TRA2A: variants seen among roughly 807,000 people sequenced by gnomAD.
TRA2A encodes transformer 2 alpha homolog, also known as transformer-2 protein homolog alpha.
In TRA2A, 31 loss-of-function variants were observed where a neutral mutation model predicts 45.7. That is an observed-to-expected ratio of 0.68 (90% confidence interval 0.51 to 0.92). The LOEUF (loss-of-function observed/expected upper bound fraction) is 0.92, where lower values mean the gene tolerates loss of function less well. Among genes scored for constraint, TRA2A ranks in the 40% least tolerant of loss-of-function variants. TRA2A has a pLI of 0.00. For missense variants in TRA2A, 304 were observed against 367.5 expected, an observed-to-expected ratio of 0.83 and a Z score of 1.41; for synonymous variants, 132 against 126.2, an observed-to-expected ratio of 1.05 and a Z score of -0.31.
chr7:23,511,251 G>A (rs190469644), intron 4 of TRA2A, among the ~76,000 whole-genome samples: 229 of 151,256 alleles, frequency 1.5e-3, no homozygotes, highest in African/African-American at 5.1e-3. Flanking sequence ...GGCGTCTGTA[G>A]TCCCAGCTAC....
chr7:23,513,770 T>TTTATA (rs1789735243), intron 3 of TRA2A, among the ~76,000 whole-genome samples: 1 of 152,196 alleles, frequency 6.6e-6, no homozygotes, highest in South Asian at 2.1e-4. Context: ...CTGACGTGTC[T>TTTATA]ACCTTACTGT....
intron 1 of TRA2A, chr7:23,531,498 G>A (rs1201233826): frequency 1.4e-5 from 7 of 516,640 alleles, no homozygotes; most frequent in South Asian, 7.8e-5. Context: ...GCAGACATAA[G>A]GAAGCCTCAG....
intron 2 of TRA2A, 147 bp downstream of exon 2, chr7:23,521,560 G>T (rs1369239197): frequency 1.3e-5 from 12 of 900,064 alleles, no homozygotes; most frequent in Non-Finnish European, 2.0e-5. Context: ...CTTTGTCTGG[G>T]ATATAGTATT....
At position 23,516,909 on chromosome 7, in the gene TRA2A, A is replaced by G. The variant is rs1223539868; in HGVS notation, c.171-381T>C. ...CAGATCGCGAGATCAAGAGATCAAG[A>G]CCATCCTGGCCAACATGTTGAAACC... On this transcript the variant is annotated intron_variant, in intron 2 of 7. Coordinates refer to ENST00000297071, the MANE Select transcript of TRA2A (RefSeq NM_013293.5). Among the ~76,000 whole-genome samples the G allele has an allele frequency of 5.3e-5, 8 of 151,764 alleles. No individual in the cohort carries two copies. The South Asian group carries it at 1.0e-3, about 20-fold the overall frequency.
At chr7:23,521,987 T>C in intron 1 of TRA2A, 147 bp from the exon 2 acceptor site, 1 of 1,423,100 alleles carries the variant, frequency 7.0e-7, no homozygotes, top group South Asian at 1.4e-5. Flanking sequence ...AGCTCAATAA[T>C]AACCCACTGT....
intron 3 of TRA2A, among the ~76,000 whole-genome samples, chr7:23,514,269 T>C (rs1346054753): frequency 2.0e-5 from 3 of 152,026 alleles, no homozygotes; most frequent in Non-Finnish European, 2.9e-5. Flanking sequence ...GGTTTCTCCA[T>C]GTTGGTCAGC....
chr7:23,530,777 G>C (rs1313123650), intron 1 of TRA2A, among the ~76,000 whole-genome samples: 1 of 152,126 alleles, frequency 6.6e-6, no homozygotes, highest in Non-Finnish European at 1.5e-5. Flanking sequence ...GATAGAGTGA[G>C]AAGAGAAATG....
chr7:23,526,719 AAAG>A (rs1281894266), intron 1 of TRA2A, among the ~76,000 whole-genome samples: 3 of 152,294 alleles, frequency 2.0e-5, no homozygotes, highest in Non-Finnish European at 2.9e-5. Context: ...AATCCCTTAA[AAAG>A]AAGATAGCGA....
Position 23,505,520 on chromosome 7 carries a change from AGAGGAAAAAAAATGTCCTTAATTGC to A in TRA2A, c.*14_*38del. ...AGAATTAAAAAAAAAAAAAAAAAAA[AGAGGAAAAAAAATGTCCTTAATTGC>A]AACCATTCCGTTATCAATAGCGTCC... is the stretch of plus-strand genomic sequence containing the variant. On this transcript the variant is annotated 3_prime_UTR_variant, in exon 8 of 8. Coordinates refer to ENST00000297071, the MANE Select transcript of TRA2A (RefSeq NM_013293.5). The A allele has an allele frequency of 2.0e-6, 1 of 507,038 alleles. No individual in the cohort carries two copies. 31.4% of individuals were successfully genotyped at this position (507,038 alleles called of 1,614,324 possible).
intron 6 of TRA2A, 115 bp from the exon 7 acceptor site, chr7:23,505,928 A>C: frequency 8.3e-6 from 6 of 726,734 alleles, no homozygotes; most frequent in Non-Finnish European, 1.1e-5. Flanking sequence ...TAACTACTTA[A>C]TATTAAGTTC....
chr7:23,524,482 C>A (rs1030945926), intron 1 of TRA2A, among the ~76,000 whole-genome samples: 20 of 152,050 alleles, frequency 1.3e-4, no homozygotes, highest in African/African-American at 4.6e-4. Context: ...CCGCGCCCGG[C>A]CAACATCAGA....
intron 1 of TRA2A, among the ~76,000 whole-genome samples, chr7:23,529,122 A>G (rs1456456821): frequency 6.6e-6 from 1 of 152,190 alleles, no homozygotes; most frequent in Admixed American, 6.6e-5. Flanking sequence ...GAAGGGCATT[A>G]ACATTTTTTG....
intron 5 of TRA2A, 36 bp from the exon 6 acceptor site, chr7:23,506,302 A>G: frequency 1.3e-6 from 2 of 1,557,960 alleles, no homozygotes; most frequent in Admixed American, 4.0e-5. Flanking sequence ...ATTAGTGTGA[A>G]TGACTATTTT....
At position 23,527,410 on chromosome 7, in the gene TRA2A, C is replaced by A. The variant is rs1429177746; in HGVS notation, c.36+4379G>T. 5.3e-5 allele frequency among the ~76,000 whole-genome samples: 8 copies of A among 152,042 alleles called. No individual in the cohort carries two copies. The South Asian group carries it at 1.0e-3, about 20-fold the overall frequency. Reference sequence around the variant, plus strand: ...TGTTACTATTTTTTTCACCTCCATGCCTGTCTTGCTAAATTTGTGAGGACA... The same window carrying A: ...TGTTACTATTTTTTTCACCTCCATGACTGTCTTGCTAAATTTGTGAGGACA... On this transcript the variant is annotated intron_variant, in intron 1 of 7. Coordinates refer to ENST00000297071, the MANE Select transcript of TRA2A (RefSeq NM_013293.5).
chr7:23,510,148 A>C (rs1232256853), intron 4 of TRA2A, among the ~76,000 whole-genome samples: 1 of 152,144 alleles, frequency 6.6e-6, no homozygotes, highest in Non-Finnish European at 1.5e-5. Context: ...AAACCATACA[A>C]CATGCCTGTG....
At chr7:23,516,277 G>T in intron 3 of TRA2A, 86 bp downstream of exon 3, 2 of 1,400,170 alleles carry the variant, frequency 1.4e-6, no homozygotes, top group Non-Finnish European at 9.9e-7. Flanking sequence ...CTAAACAATG[G>T]CCAAGCTCCC....
At chr7:23,509,731 C>CA (rs35279622) in intron 4 of TRA2A, among the ~76,000 whole-genome samples, 54,778 of 145,968 alleles carry the variant, frequency 0.38, 10,347 homozygotes, top group African/African-American at 0.48. Flanking sequence ...GACTCCGTCT[C>CA]AAAAAAAAAA....
intron 1 of TRA2A, chr7:23,531,216 G>A (rs2128002568): frequency 2.0e-6 from 2 of 987,176 alleles, no homozygotes; most frequent in Non-Finnish European, 2.4e-6. Context: ...CAACCTCAAG[G>A]CTTTCGCCTT....
At chr7:23,509,840 T>C (rs1321216830) in intron 4 of TRA2A, among the ~76,000 whole-genome samples, 1 of 151,382 alleles carries the variant, frequency 6.6e-6, no homozygotes, top group Non-Finnish European at 1.5e-5. Flanking sequence ...GCCTGGGCAA[T>C]GGGGCAAAAC....
Sources: gnomAD v4.1 joint callset for allele counts (sites outside exome capture counted in the v4.1 genomes callset) on GRCh38, gnomAD v4.1.1 for gene constraint, MANE v1.5 for transcripts, NCBI Gene and HGNC (gene_info 2026-07-23, HGNC 2026-07-21) for gene names.